The following PHACTR2 variants were observed in gnomAD, a reference collection of about 807,000 sequenced individuals.
PHACTR2 encodes the protein phosphatase and actin regulator 2.
In PHACTR2, 30 loss-of-function variants were observed where a neutral mutation model predicts 76.0. The ratio of observed to expected loss-of-function variants is 0.39; its 90% CI spans 0.30 to 0.54. The LOEUF (loss-of-function observed/expected upper bound fraction) is 0.54, where lower values mean the gene tolerates loss of function less well. PHACTR2 is among the 20% of genes least tolerant of loss of function. The pLI is 0.61. For synonymous variants in PHACTR2, 292 were observed against 292.5 expected, an observed-to-expected ratio of 1.00 and a Z score of 0.02; for missense variants, 696 against 781.1, an observed-to-expected ratio of 0.89 and a Z score of 1.30.
chr6:143,584,633 G>T (rs6924422), intron 1 of PHACTR2, among the ~76,000 whole-genome samples: 42,978 of 151,964 alleles, frequency 0.28, 6,073 homozygotes, highest in Middle Eastern at 0.42. Flanking sequence ...ACAAATGTTG[G>T]TCAAGTTCTA....
rs1007790997 is a variant in PHACTR2, at chr6:143,680,848, T to C, written c.46+2639T>C. ...TCTTATTGAGAACATTTCATGTCAATGGAATCATAATGTGTCATTTTGTGA... is the reference window on the plus strand; with the variant it reads ...TCTTATTGAGAACATTTCATGTCAACGGAATCATAATGTGTCATTTTGTGA... On this transcript the variant is annotated intron_variant, in intron 1 of 12. Coordinates refer to ENST00000440869, the MANE Select transcript of PHACTR2 (RefSeq NM_001100164.2). The surrounding 1 kb of genome is among the most constrained non-coding windows in gnomAD (Gnocchi z 4.5). 6.6e-6 allele frequency among the ~76,000 whole-genome samples: 1 copy of C among 152,204 alleles called. No individual in the cohort carries two copies. The highest frequency in any genetic ancestry group is 2.4e-5 in the African/African-American group (1 of 41,456).
At chr6:143,720,836 C>T (rs925182322) in intron 2 of PHACTR2, among the ~76,000 whole-genome samples, 4 of 152,146 alleles carry the variant, frequency 2.6e-5, no homozygotes, top group Non-Finnish European at 5.9e-5. Context: ...TGGTCTCAAA[C>T]TCCTGATCTC....
Position 143,830,769 on chromosome 6 carries a change from A to G in PHACTR2, c.*7080A>G, listed in dbSNP as rs1776651336. The G allele has an allele frequency of 6.6e-6, 1 of 152,246 alleles. No homozygotes were observed. Among genetic ancestry groups the G allele is most frequent in the Non-Finnish European group, 1.5e-5 (1 of 68,024 alleles). 9.4% of individuals were successfully genotyped at this position (152,246 alleles called of 1,614,324 possible). On this transcript the variant is annotated 3_prime_UTR_variant, in exon 13 of 13. Transcript: ENST00000440869. ...TTGTTTAGCTTTCCTAAGTATATAT[A>G]AATGCATATATGTATAAAATTGGGA... is the stretch of plus-strand genomic sequence containing the variant.
rs1779541536 is a variant in PHACTR2, at chr6:143,765,566, A to G, written c.1000A>G (p.Met334Val). Reference protein sequence around the residue: ...EEQNTGKFKSMVPPPPVAPAP... With the variant: ...EEQNTGKFKSVVPPPPVAPAP... ...GCAGAACACAGGCAAATTCAAGTCC[A>G]TGGTCCCTCCACCCCCTGTGGCTCC... The change falls in exon 6 of 13, where the codon ATG (methionine) becomes GTG (valine). Residue 334 changes from methionine (M) to valine (V), a missense_variant. Met to Val is a conservative substitution (Grantham distance 21). This residue lies in a region of PHACTR2 where 460 missense variants were observed against 450.9 expected (regional missense o/e 1.02). Transcript: ENST00000440869. The surrounding 1 kb of genome is among the most constrained non-coding windows in gnomAD (Gnocchi z 4.1). The G allele has an allele frequency of 3.7e-6, 6 of 1,614,156 alleles. No homozygotes were observed. Among genetic ancestry groups the G allele is most frequent in the Non-Finnish European group, 5.1e-6 (6 of 1,179,986 alleles).
At position 143,757,959 on chromosome 6, in the gene PHACTR2, G is replaced by GCACACACA. The variant is rs10632120; in HGVS notation, c.455-2441_455-2440insACACACAC. 4.4e-3 allele frequency among the ~76,000 whole-genome samples: 647 copies of GCACACACA among 145,692 alleles called. 5 individuals are homozygous for GCACACACA. The highest frequency in any genetic ancestry group is 0.016 in the African/African-American group (603 of 37,848). ...CCTGCGTGTGTGTGCATGCACACGT[G>GCACACACA]CGCGCACACACACACACACACACAC... On this transcript the variant is annotated intron_variant, in intron 4 of 12. Coordinates refer to ENST00000440869, the MANE Select transcript of PHACTR2 (RefSeq NM_001100164.2). The surrounding 1 kb of genome is among the most constrained non-coding windows in gnomAD (Gnocchi z 4.2).
At chr6:143,716,483 G>A (rs1197919229) in intron 2 of PHACTR2, among the ~76,000 whole-genome samples, 1 of 152,112 alleles carries the variant, frequency 6.6e-6, no homozygotes, top group Non-Finnish European at 1.5e-5. Context: ...ACGCCACGAT[G>A]CCCAGTTAAT....
rs1157585717 is a variant in PHACTR2, at chr6:143,760,050, T to G, written c.455-351T>G. Among the ~76,000 whole-genome samples, 2 of 152,174 alleles carry G rather than the reference T, an allele frequency of 1.3e-5. No homozygotes were observed. The highest frequency in any genetic ancestry group is 4.8e-5 in the African/African-American group (2 of 41,442). ...CTTTGTTAAATCATTGTTTGTTCAA[T>G]TTAAATGTAGCACTTCATGCCCACA... On this transcript the variant is annotated intron_variant, in intron 4 of 12. Transcript: ENST00000440869. The surrounding 1 kb of genome is among the most constrained non-coding windows in gnomAD (Gnocchi z 6.4).
chr6:143,822,666 C>T lies in PHACTR2; in HGVS notation c.1923-1008C>T, dbSNP rs6925814. Among the ~76,000 whole-genome samples, 46,840 of 151,800 alleles carry T rather than the reference C, an allele frequency of 0.31. 7,685 individuals carry two copies. Among genetic ancestry groups the T allele is most frequent in the East Asian group, 0.44 (2,277 of 5,140 alleles). On this transcript the variant is annotated intron_variant, in intron 12 of 12. Transcript: ENST00000440869. The surrounding 1 kb of genome is among the most constrained non-coding windows in gnomAD (Gnocchi z 5.5). ...CTGACCAGAGCAGATGAGCATTCGA[C>T]TGTAGAAGACAGAGTGAAATGCTAG...
At chr6:143,643,040 A>G (rs1462116608) in intron 1 of PHACTR2, among the ~76,000 whole-genome samples, 1 of 152,218 alleles carries the variant, frequency 6.6e-6, no homozygotes, top group East Asian at 1.9e-4. Flanking sequence ...TATTTAAATT[A>G]TATTTCAGGT....
Position 143,648,773 on chromosome 6 carries a change from T to C in PHACTR2, c.13+40451T>C, listed in dbSNP as rs1489194596. Among the ~76,000 whole-genome samples, 2 of 152,136 alleles carry C rather than the reference T, an allele frequency of 1.3e-5. No individual in the cohort carries two copies. The highest frequency in any genetic ancestry group is 3.8e-4 in the East Asian group (2 of 5,196). ...GCACGTGTGTGTGTCTCTGTGTGTG[T>C]GTGGGCATGTGTCTCTGTGTGTGTC... is the stretch of plus-strand genomic sequence containing the variant. On this transcript the variant is annotated intron_variant, in intron 1 of 11. Coordinates refer to the PHACTR2 transcript ENST00000305766. The surrounding 1 kb of genome is among the most constrained non-coding windows in gnomAD (Gnocchi z 6.7).
At chr6:143,629,397 C>T (rs1284082849) in intron 1 of PHACTR2, among the ~76,000 whole-genome samples, 2 of 152,092 alleles carry the variant, frequency 1.3e-5, no homozygotes, top group Non-Finnish European at 2.9e-5. Flanking sequence ...TATCAAGCTC[C>T]ACATTGGACA....
rs1045106608 is a variant in PHACTR2, at chr6:143,623,287, C to T, written c.13+14965C>T. On this transcript the variant is annotated intron_variant, in intron 1 of 11. Transcript: ENST00000305766. This position sits in a 1 kb window ranked among gnomAD's most constrained non-coding sequence, Gnocchi z 5.9. ...ATTAGTATATTTAAATTGTCCCTTG[C>T]TCTTAATATATGGAGAGAGAAAAAA... Among the ~76,000 whole-genome samples, 3 of 152,102 alleles carry T rather than the reference C, an allele frequency of 2.0e-5. No individual in the cohort carries two copies. The highest frequency in any genetic ancestry group is 7.2e-5 in the African/African-American group (3 of 41,412).
rs755628130 is a variant in PHACTR2, at chr6:143,639,659, G to T, written c.13+31337G>T. Among the ~76,000 whole-genome samples the T allele has an allele frequency of 2.0e-5, 3 of 152,132 alleles. No individual in the cohort carries two copies. Among genetic ancestry groups the T allele is most frequent in the Non-Finnish European group, 2.9e-5 (2 of 68,020 alleles). On this transcript the variant is annotated intron_variant, in intron 1 of 11. Coordinates refer to the PHACTR2 transcript ENST00000305766. This position sits in a 1 kb window ranked among gnomAD's most constrained non-coding sequence, Gnocchi z 5.0. Reference sequence around the variant, plus strand: ...ATTAGCATACCCCATCATGAGTAAGGATAGCGATGGTTTGAGCAAGACAGT... The same window carrying T: ...ATTAGCATACCCCATCATGAGTAAGTATAGCGATGGTTTGAGCAAGACAGT...
rs1049797738 is a variant in PHACTR2, at chr6:143,765,870, G to A, written c.1232+72G>A. 7.6e-7 allele frequency: 1 copy of A among 1,317,610 alleles called. No homozygotes were observed. Among genetic ancestry groups the A allele is most frequent in the Non-Finnish European group, 1.1e-6 (1 of 949,588 alleles). 81.6% of individuals were successfully genotyped at this position (1,317,610 alleles called of 1,614,324 possible). A position where few individuals can be genotyped will look rare whatever the true frequency, so the allele number is the denominator to read the frequency against. ...ACTAATATATTCTGTTGGAAATGAA[G>A]CACCGGGTTTGCTTTCTTATATAAT... On this transcript the variant is annotated intron_variant, in intron 6 of 12. Transcript: ENST00000440869. The surrounding 1 kb of genome is among the most constrained non-coding windows in gnomAD (Gnocchi z 4.1).
rs1271706761 is a variant in PHACTR2, at chr6:143,811,739, A to G, written c.1922+4606A>G. Reference sequence around the variant, plus strand: ...TCCAGTAGGGATATAGTTTGTCTCCAAGACATAAAAATAATGCTTATGATT... The same window carrying G: ...TCCAGTAGGGATATAGTTTGTCTCCGAGACATAAAAATAATGCTTATGATT... On this transcript the variant is annotated intron_variant, in intron 12 of 12. Transcript: ENST00000440869. The surrounding 1 kb of genome is among the most constrained non-coding windows in gnomAD (Gnocchi z 4.1). 6.6e-6 allele frequency among the ~76,000 whole-genome samples: 1 copy of G among 152,170 alleles called. No homozygotes were observed. The highest frequency in any genetic ancestry group is 1.5e-5 in the Non-Finnish European group (1 of 68,024).
At chr6:143,752,584 A>G (rs957322847) in intron 3 of PHACTR2, among the ~76,000 whole-genome samples, 1 of 152,156 alleles carries the variant, frequency 6.6e-6, no homozygotes, top group African/African-American at 2.4e-5. Context: ...CTAAGCAACG[A>G]TTGCTTTTTC....
At chr6:143,615,396 TTTAA>T (rs1283172836) in intron 1 of PHACTR2, among the ~76,000 whole-genome samples, 3 of 152,174 alleles carry the variant, frequency 2.0e-5, no homozygotes, top group African/African-American at 7.2e-5. Context: ...TTTAATGATG[TTTAA>T]TTAAGTTGGA....
chr6:143,564,966 T>A (rs1342723205), intron 1 of PHACTR2, among the ~76,000 whole-genome samples: 1 of 152,156 alleles, frequency 6.6e-6, no homozygotes, highest in Admixed American at 6.5e-5. Context: ...TTTTACAATG[T>A]AGGAAAACCA....
At chr6:143,687,069 CT>C (rs1252713943) in intron 1 of PHACTR2, among the ~76,000 whole-genome samples, 1 of 151,976 alleles carries the variant, frequency 6.6e-6, no homozygotes, top group Non-Finnish European at 1.5e-5. Flanking sequence ...TTTTTTTAGT[CT>C]GTTCGATAAT....
Sources: allele counts gnomAD v4.1 joint callset (sites outside exome capture counted in the v4.1 genomes callset), GRCh38; gene constraint gnomAD v4.1.1; regional missense constraint gnomAD v4.1.1; non-coding constraint Gnocchi (gnomAD v3.1); transcripts MANE v1.5; gene names NCBI Gene and HGNC (gene_info 2026-07-23, HGNC 2026-07-21).